The following FMN1 variants were observed in gnomAD, a reference collection of about 807,000 sequenced individuals.
FMN1 encodes formin 1.
FMN1 carries 110 observed loss-of-function variants against 132.4 expected under a neutral mutation model. That is an observed-to-expected ratio of 0.83 (90% CI 0.71 to 0.97). FMN1 has a LOEUF of 0.97. FMN1 is among the 50% of genes least tolerant of loss of function. The pLI is 0.00. For missense variants in FMN1, 1,792 were observed against 1,705.3 expected (o/e 1.05, Z -0.90); for synonymous variants, 722 against 651.7 (o/e 1.11, Z -1.64).
chr15:32,907,908 C>A (rs868149772), intron 12 of FMN1, among the ~76,000 whole-genome samples: 1 of 152,050 alleles, frequency 6.6e-6, no homozygotes, highest in African/African-American at 2.4e-5. Context: ...AGTTACACCC[C>A]GGAGTTCTGG....
intron 6 of FMN1, among the ~76,000 whole-genome samples, chr15:33,054,090 C>A (rs150120765): frequency 1.3e-5 from 2 of 152,134 alleles, no homozygotes. Context: ...CAACCCCCAT[C>A]CTGAAACTTT....
chr15:32,871,297 T>C (rs996108833), intron 16 of FMN1, among the ~76,000 whole-genome samples: 2 of 152,194 alleles, frequency 1.3e-5, no homozygotes, highest in African/African-American at 4.8e-5. Flanking sequence ...TCTTTCAGGG[T>C]CTGGGCCTCG....
intron 16 of FMN1, among the ~76,000 whole-genome samples, chr15:32,868,678 A>C (rs896148827): frequency 2.6e-5 from 4 of 152,150 alleles, no homozygotes; most frequent in Non-Finnish European, 5.9e-5. Context: ...GAGAAGACAC[A>C]AGTACACTGA....
intron 4 of FMN1, among the ~76,000 whole-genome samples, chr15:33,128,851 AGCAGACT>A (rs1566942738): frequency 6.6e-6 from 1 of 152,252 alleles, no homozygotes; most frequent in East Asian, 1.9e-4. Flanking sequence ...AGACAACCGG[AGCAGACT>A]GCAGAGGCCT....
In FMN1 at chr15:32,770,221, AAG is replaced by A. The variant is rs574849822; in HGVS notation, c.*4087_*4088del. 24 of 152,184 alleles carry A rather than the reference AAG, an allele frequency of 1.6e-4. No homozygotes were observed. Among genetic ancestry groups the A allele is most frequent in the Non-Finnish European group, 3.4e-4 (23 of 68,036 alleles). 9.4% of individuals were successfully genotyped at this position (152,184 alleles called of 1,614,324 possible). On this transcript the variant is annotated 3_prime_UTR_variant, in exon 21 of 21. Coordinates refer to ENST00000616417, the MANE Select transcript of FMN1 (RefSeq NM_001277313.2). ...AATGTTACAGCCTGGTTCCTGGAAA[AAG>A]AGCCTGCAAGCGTGCATTGCTAATT...
At chr15:33,075,454 C>A (rs573620891) in intron 5 of FMN1, among the ~76,000 whole-genome samples, 6 of 152,264 alleles carry the variant, frequency 3.9e-5, no homozygotes, top group East Asian at 1.9e-4. Flanking sequence ...CGCAACCATG[C>A]CACAAGGAAA....
At chr15:32,966,880 C>A (rs1344299198) in intron 8 of FMN1, among the ~76,000 whole-genome samples, 1 of 152,200 alleles carries the variant, frequency 6.6e-6, no homozygotes, top group Admixed American at 6.5e-5. Context: ...ACTCCACAGG[C>A]TCTTTGAGTC....
chr15:32,835,313 C>T (rs958192879), intron 17 of FMN1, among the ~76,000 whole-genome samples: 2 of 152,096 alleles, frequency 1.3e-5, no homozygotes, highest in Admixed American at 1.3e-4. Context: ...TTTTCTAAAT[C>T]GTGGCTCTAA....
intron 4 of FMN1, among the ~76,000 whole-genome samples, chr15:33,112,076 T>C (rs1282123503): frequency 6.6e-6 from 1 of 152,212 alleles, no homozygotes; most frequent in Non-Finnish European, 1.5e-5. Context: ...TTTTACAATT[T>C]CATGTCTATG....
intron 4 of FMN1, among the ~76,000 whole-genome samples, chr15:33,137,384 A>G (rs1963818444): frequency 6.6e-6 from 1 of 152,188 alleles, no homozygotes; most frequent in Non-Finnish European, 1.5e-5. Context: ...GAGTTTTAGA[A>G]GCATTCCAGA....
rs139580800 is a variant in FMN1 at position 33,078,212 on chromosome 15, A to G, written c.2043+10587T>C. 1.2e-3 allele frequency among the ~76,000 whole-genome samples: 190 copies of G among 152,360 alleles called. 1 individual carries two copies. The highest frequency in any genetic ancestry group is 4.4e-3 in the African/African-American group (182 of 41,580). The stretch of plus-strand genomic sequence containing the variant: ...GGGAAAAATAATACTTAACTCATAG[A>G]ATAGTTCAAGAATTAAATGTGCTAA... On this transcript the variant is annotated intron_variant, in intron 5 of 20. Coordinates refer to ENST00000616417, the MANE Select transcript of FMN1 (RefSeq NM_001277313.2).
intron 9 of FMN1, among the ~76,000 whole-genome samples, chr15:32,934,598 CTTTT>C (rs376553575): frequency 3.1e-5 from 4 of 127,106 alleles, no homozygotes; most frequent in Admixed American, 7.9e-5. Flanking sequence ...AATTTTTTTC[CTTTT>C]TTTTTTTTTT....
intron 17 of FMN1, among the ~76,000 whole-genome samples, chr15:32,841,310 A>G (rs1192503164): frequency 6.6e-6 from 1 of 152,202 alleles, no homozygotes; most frequent in East Asian, 1.9e-4. Flanking sequence ...AGTCTCATAT[A>G]TCCAAGGGAA....
At chr15:32,981,046 T>C (rs181812920) in intron 7 of FMN1, among the ~76,000 whole-genome samples, 88 of 152,180 alleles carry the variant, frequency 5.8e-4, no homozygotes, top group Middle Eastern at 3.4e-3. Context: ...TTATAATTCA[T>C]GTTTAATTTT....
intron 19 of FMN1, among the ~76,000 whole-genome samples, chr15:32,780,391 C>T (rs905549564): frequency 6.6e-6 from 1 of 152,164 alleles, no homozygotes; most frequent in Non-Finnish European, 1.5e-5. Flanking sequence ...TGCTACACTC[C>T]CATTAGTGCC....
chr15:32,933,515 T>C (rs2140397858), intron 9 of FMN1, among the ~76,000 whole-genome samples: 1 of 152,326 alleles, frequency 6.6e-6, no homozygotes, highest in Non-Finnish European at 1.5e-5. Context: ...TCAAGTCCTC[T>C]GTTTCCTTAT....
chr15:33,086,317 T>TAA (rs5811730), intron 5 of FMN1, among the ~76,000 whole-genome samples: 8 of 148,848 alleles, frequency 5.4e-5, no homozygotes, highest in East Asian at 2.0e-4. Flanking sequence ...CTTTTATGTT[T>TAA]AAAAAAAATC....
intron 9 of FMN1, among the ~76,000 whole-genome samples, chr15:32,957,982 CTAAG>C (rs1286085704): frequency 6.6e-6 from 1 of 151,904 alleles, no homozygotes; most frequent in African/African-American, 2.4e-5. Context: ...TGGCACCTAT[CTAAG>C]TATGCAATAT....
chr15:32,812,193 T>C (rs2057906596), intron 17 of FMN1, among the ~76,000 whole-genome samples: 1 of 152,196 alleles, frequency 6.6e-6, no homozygotes. Flanking sequence ...ACATTCTAAA[T>C]GTCTAGGACA....
Sources: gnomAD v4.1 joint callset for allele counts (sites outside exome capture counted in the v4.1 genomes callset) on GRCh38, gnomAD v4.1.1 for gene constraint, MANE v1.5 for transcripts, NCBI Gene and HGNC (gene_info 2026-07-23, HGNC 2026-07-21) for gene names.